Variants in TSPAN9 observed in about 807,000 individuals in gnomAD.
TSPAN9 encodes tetraspanin 9, also known as tetraspanin-9.
In TSPAN9, 16 loss-of-function variants were observed where a neutral mutation model predicts 31.0. That is an observed-to-expected ratio of 0.52 (90% confidence interval 0.35 to 0.78). The LOEUF (loss-of-function observed/expected upper bound fraction) is 0.78, where lower values mean the gene tolerates loss of function less well. Ranked by LOEUF, TSPAN9 falls within the 30% of genes least tolerant of loss-of-function variation. The pLI is 0.01. For missense variants in TSPAN9, 272 were observed against 312.5 expected, an observed-to-expected ratio of 0.87 and a Z score of 0.98; for synonymous variants, 145 against 121.6, an observed-to-expected ratio of 1.19 and a Z score of -1.27.
intron 3 of TSPAN9, among the ~76,000 whole-genome samples, chr12:3,277,748 G>A (rs1422790054): frequency 6.6e-6 from 1 of 152,200 alleles, no homozygotes; most frequent in Non-Finnish European, 1.5e-5. Flanking sequence ...TCGGTTTGGG[G>A]GCCGATCATG....
At chr12:3,174,779 T>TG (rs1434068272) in intron 2 of TSPAN9, among the ~76,000 whole-genome samples, 67 of 148,248 alleles carry the variant, frequency 4.5e-4, no homozygotes, top group African/African-American at 1.6e-3. Flanking sequence ...AGACGGGGTT[T>TG]CACCGTGTTA....
chr12:3,236,698 A>G (rs1166130419), intron 3 of TSPAN9, among the ~76,000 whole-genome samples: 1 of 152,148 alleles, frequency 6.6e-6, no homozygotes, highest in African/African-American at 2.4e-5. Flanking sequence ...TGTGCTTCCC[A>G]GCCTTTGTAG....
At chr12:3,179,354 G>T (rs1008651882) in intron 2 of TSPAN9, among the ~76,000 whole-genome samples, 1 of 152,192 alleles carries the variant, frequency 6.6e-6, no homozygotes, top group African/African-American at 2.4e-5. Context: ...TCAGTCACCT[G>T]TTCCCGTCTT....
chr12:3,106,631 C>T (rs536210172), intron 2 of TSPAN9, among the ~76,000 whole-genome samples: 10 of 152,152 alleles, frequency 6.6e-5, no homozygotes, highest in Admixed American at 3.3e-4. Flanking sequence ...ATTGGCCACA[C>T]GGGGTGGCAT....
In TSPAN9 at chr12:3,278,497, G is replaced by T. The variant is rs145477350; in HGVS notation, c.140G>T (p.Ser47Ile). 6.2e-7 allele frequency: 1 copy of T among 1,614,078 alleles called. No individual in the cohort carries two copies. Among genetic ancestry groups the T allele is most frequent in the Non-Finnish European group, 8.5e-7 (1 of 1,180,036 alleles). The change falls in exon 4 of 9, where the codon AGC becomes ATC. Residue 47 changes from serine (S) to isoleucine (I), a missense_variant. Ser to Ile is a moderately radical substitution (Grantham distance 142). Transcript: ENST00000011898. ...GGCAACTTTGCCACCTTCTCCCCCA[G>T]CTTCCCTTCGTTGTCTGCAGCCAAC... ...SQGNFATFSP[S>I]FPSLSAANLV... is the part of the protein sequence containing the mutation.
At chr12:3,177,143 A>G (rs973141245) in intron 2 of TSPAN9, among the ~76,000 whole-genome samples, 1 of 152,190 alleles carries the variant, frequency 6.6e-6, no homozygotes, top group Non-Finnish European at 1.5e-5. Flanking sequence ...GTCACTTAAA[A>G]AAATGTTTTT....
intron 8 of TSPAN9, among the ~76,000 whole-genome samples, chr12:3,282,663 G>A (rs967356242): frequency 3.3e-5 from 5 of 152,160 alleles, no homozygotes; most frequent in Admixed American, 6.5e-5. Context: ...CACCGTGCCC[G>A]GCTGGCCTGA....
intron 1 of TSPAN9, among the ~76,000 whole-genome samples, chr12:3,081,636 T>G (rs1401154178): frequency 6.6e-6 from 1 of 152,024 alleles, no homozygotes; most frequent in East Asian, 1.9e-4. Flanking sequence ...GGTTCTCTAG[T>G]GAACTCCACA....
chr12:3,257,339 C>G (rs1446111173), intron 3 of TSPAN9, among the ~76,000 whole-genome samples: 1 of 152,020 alleles, frequency 6.6e-6, no homozygotes, highest in Non-Finnish European at 1.5e-5. Context: ...AGGTCCTACC[C>G]CATTTCCTCC....
At chr12:3,275,347 C>T (rs537674210) in intron 3 of TSPAN9, among the ~76,000 whole-genome samples, 13 of 152,316 alleles carry the variant, frequency 8.5e-5, no homozygotes, top group Middle Eastern at 3.4e-3. Flanking sequence ...TGGGGTCCTG[C>T]GTGTCTCCAG....
At chr12:3,281,582 G>T in intron 7 of TSPAN9, 152 bp from the exon 8 acceptor site, 1 of 1,085,840 alleles carries the variant, frequency 9.2e-7, no homozygotes, top group Non-Finnish European at 1.3e-6. Flanking sequence ...GTGGGGCGGA[G>T]GCTGCGCCAA....
At chr12:3,193,041 A>T (rs1373271015) in intron 2 of TSPAN9, among the ~76,000 whole-genome samples, 2 of 151,960 alleles carry the variant, frequency 1.3e-5, no homozygotes, top group African/African-American at 4.8e-5. Context: ...TATTATTTCC[A>T]TTTTCTAGCT....
Position 3,283,327 on chromosome 12 carries a change from C to G in TSPAN9, c.*211C>G. 1.8e-6 allele frequency: 1 copy of G among 545,552 alleles called. No individual in the cohort carries two copies. The highest frequency in any genetic ancestry group is 3.2e-6 in the Non-Finnish European group (1 of 312,852). The allele number at this position is 545,552 out of a possible 1,614,324, so 33.8% of individuals were successfully genotyped here. ...CACACGGAGACCTGGGGCTCGGGGC[C>G]CCTGGATTCCTGCATCTGCATATGC... On this transcript the variant is annotated 3_prime_UTR_variant, in exon 9 of 9. Coordinates refer to ENST00000011898, the MANE Select transcript of TSPAN9 (RefSeq NM_006675.5).
intron 3 of TSPAN9, among the ~76,000 whole-genome samples, chr12:3,275,664 G>T (rs777795744): frequency 5.3e-5 from 8 of 152,256 alleles, no homozygotes; most frequent in Non-Finnish European, 1.0e-4. Flanking sequence ...GTTCCCTGGC[G>T]AAGCTTTGTG....
rs59811095 is a variant in TSPAN9 at position 3,226,652 on chromosome 12, ATG to A, written c.63+25450_63+25451del. Among the ~76,000 whole-genome samples, 62 of 95,558 alleles carry A rather than the reference ATG, an allele frequency of 6.5e-4. 1 individual carries two copies. Among genetic ancestry groups the A allele is most frequent in the African/African-American group, 2.6e-3 (59 of 23,034 alleles). 62.7% of individuals were successfully genotyped at this position (95,558 alleles called of 152,430 possible). A position where few individuals can be genotyped will look rare whatever the true frequency, so the allele number is the denominator to read the frequency against. ...CATCTCTTAAAAAAATTTTATATAT[ATG>A]TGTGTGTGTGTGTGTGTGTGTGTGT... On this transcript the variant is annotated intron_variant, in intron 3 of 8. Coordinates refer to ENST00000011898, the MANE Select transcript of TSPAN9 (RefSeq NM_006675.5).
chr12:3,275,442 G>T (rs903976467), intron 3 of TSPAN9, among the ~76,000 whole-genome samples: 1 of 152,168 alleles, frequency 6.6e-6, no homozygotes, highest in African/African-American at 2.4e-5. Flanking sequence ...CCAGGGTCTG[G>T]CTTTTAGAGC....
At chr12:3,274,536 G>T (rs1862747775) in intron 3 of TSPAN9, among the ~76,000 whole-genome samples, 1 of 151,738 alleles carries the variant, frequency 6.6e-6, no homozygotes, top group South Asian at 2.1e-4. Context: ...CAGTGTTGGT[G>T]CCTGTCACCT....
chr12:3,225,038 G>GGATCCCATA (rs370850589), intron 3 of TSPAN9, among the ~76,000 whole-genome samples: 1,897 of 152,320 alleles, frequency 0.012, 19 homozygotes, highest in Middle Eastern at 0.044. Context: ...GCGGTGCACA[G>GGATCCCATA]GATCCCATAG....
chr12:3,141,230 T>C (rs1233827175), intron 2 of TSPAN9, among the ~76,000 whole-genome samples: 1 of 152,140 alleles, frequency 6.6e-6, no homozygotes, highest in Non-Finnish European at 1.5e-5. Context: ...CCTTCAGACC[T>C]GCTCCTTGGT....
Sources: allele counts gnomAD v4.1 joint callset (sites outside exome capture counted in the v4.1 genomes callset), GRCh38; gene constraint gnomAD v4.1.1; transcripts MANE v1.5; gene names NCBI Gene and HGNC (gene_info 2026-07-23, HGNC 2026-07-21).